The following MAP3K7CL variants were observed in gnomAD, a reference collection of about 807,000 sequenced individuals.
MAP3K7CL encodes MAP3K7 C-terminal-like protein.
In MAP3K7CL, 16 loss-of-function variants were observed where a neutral mutation model predicts 18.6. The ratio of observed to expected loss-of-function variants is 0.86; its 90% CI spans 0.58 to 1.31. The LOEUF (loss-of-function observed/expected upper bound fraction) is 1.31. MAP3K7CL is among the 50% of genes most tolerant of loss of function. The pLI is 0.00. For missense variants in MAP3K7CL, 163 were observed against 174.4 expected (o/e 0.93, Z 0.37); for synonymous variants, 65 against 66.8 (o/e 0.97, Z 0.13).
rs567103378 is a variant in MAP3K7CL, at chr21:29,116,956, G to A, written c.370+24375G>A. On this transcript the variant is annotated intron_variant, in intron 4 of 6. Transcript: ENST00000286791. ...CCTGCAGAACACACTTGTCTAATTTGAATTGTTTAGATTAATTTGGCAACT... is the reference window on the plus strand; with the variant it reads ...CCTGCAGAACACACTTGTCTAATTTAAATTGTTTAGATTAATTTGGCAACT... Among the ~76,000 whole-genome samples, 23 of 152,220 alleles carry A rather than the reference G, an allele frequency of 1.5e-4. No homozygotes were observed. In the East Asian group the frequency reaches 4.4e-3, roughly 29 times the overall value.
At chr21:29,096,496 A>C (rs562681028) in intron 4 of MAP3K7CL, among the ~76,000 whole-genome samples, 2 of 152,352 alleles carry the variant, frequency 1.3e-5, no homozygotes, top group East Asian at 3.9e-4. Context: ...TCCTTAAGAC[A>C]ATGATGTTTA....
intron 2 of MAP3K7CL, among the ~76,000 whole-genome samples, chr21:29,147,690 G>C (rs1416080632): frequency 6.6e-6 from 1 of 151,422 alleles, no homozygotes; most frequent in Non-Finnish European, 1.5e-5. Context: ...GTATATGTAT[G>C]TGTATGTGTA....
Position 29,142,024 on chromosome 21 carries a change from A to ATT in MAP3K7CL, c.71-7152_71-7151dup, listed in dbSNP as rs540625780. 1.4e-3 allele frequency among the ~76,000 whole-genome samples: 198 copies of ATT among 145,868 alleles called. 1 individual carries two copies. The highest frequency in any genetic ancestry group is 4.1e-3 in the African/African-American group (164 of 39,984). On this transcript the variant is annotated intron_variant, in intron 2 of 4. Coordinates refer to ENST00000399928, the MANE Select transcript of MAP3K7CL (RefSeq NM_001286620.2). Reference sequence around the variant, plus strand: ...TCAAAGACCTTTTATGCGTAAGTTAATTTTTTTTTTTTTTACTATCTTTCA... The same window carrying ATT: ...TCAAAGACCTTTTATGCGTAAGTTAATTTTTTTTTTTTTTTTACTATCTTTCA...
intron 1 of MAP3K7CL, chr21:29,080,690 T>C (rs555909421): frequency 6.6e-6 from 1 of 152,110 alleles, no homozygotes; most frequent in Non-Finnish European, 1.5e-5. Context: ...TGCTGATCAT[T>C]CGTAGTGTAG....
At chr21:29,105,595 C>T (rs1225492401) in intron 4 of MAP3K7CL, among the ~76,000 whole-genome samples, 1 of 152,030 alleles carries the variant, frequency 6.6e-6, no homozygotes, top group Non-Finnish European at 1.5e-5. Flanking sequence ...AGATTCCAGG[C>T]AGTGGGAAAA....
intron 3 of MAP3K7CL, chr21:29,092,407 A>G (rs1318850424): frequency 1.2e-6 from 2 of 1,612,522 alleles, no homozygotes; most frequent in East Asian, 2.2e-5. Context: ...TTGTCTCATC[A>G]TGACTTTGAT....
At chr21:29,082,743 A>C (rs1390904278), upstream of MAP3K7CL, among the ~76,000 whole-genome samples, 1 of 152,212 alleles carries the variant, frequency 6.6e-6, no homozygotes, top group African/African-American at 2.4e-5. Context: ...ACAATAGTGC[A>C]GTCAATCTAC....
intron 4 of MAP3K7CL, chr21:29,109,311 A>G: frequency 2.7e-6 from 4 of 1,467,730 alleles, no homozygotes; most frequent in Middle Eastern, 3.5e-4. Flanking sequence ...AATTAATGCC[A>G]TGATCACTAT....
chr21:29,170,939 CTTTT>C (rs367616302), intron 4 of MAP3K7CL, among the ~76,000 whole-genome samples: 3 of 143,378 alleles, frequency 2.1e-5, no homozygotes, highest in Admixed American at 6.9e-5. Context: ...GTGCCTGCCT[CTTTT>C]TTTTTTTTTT....
chr21:29,102,574 C>T (rs1422534434), intron 4 of MAP3K7CL: 1 of 150,670 alleles, frequency 6.6e-6, no homozygotes, highest in Non-Finnish European at 1.5e-5. Flanking sequence ...TCCTCCGCCT[C>T]TCAAAGTGCT....
intron 4 of MAP3K7CL, chr21:29,109,222 A>C (rs147076930): frequency 1.0e-4 from 157 of 1,535,270 alleles, no homozygotes; most frequent in Admixed American, 1.6e-4. Flanking sequence ...ATTAAGTGCT[A>C]TGAGCTCCGA....
chr21:29,125,858 G>GT (rs2086672279), upstream of MAP3K7CL, among the ~76,000 whole-genome samples: 1 of 152,224 alleles, frequency 6.6e-6, no homozygotes, highest in Non-Finnish European at 1.5e-5. Flanking sequence ...CCAGCTCACA[G>GT]TATGGAACAG....
At chr21:29,107,949 G>A (rs62222396) in intron 4 of MAP3K7CL, among the ~76,000 whole-genome samples, 4,507 of 152,240 alleles carry the variant, frequency 0.03, 104 homozygotes, top group Middle Eastern at 0.099. Context: ...GTAAACTGAA[G>A]TTCAGAAATG....
At chr21:29,087,176 T>C (rs976901798) in intron 1 of MAP3K7CL, among the ~76,000 whole-genome samples, 5 of 152,218 alleles carry the variant, frequency 3.3e-5, no homozygotes, top group African/African-American at 1.2e-4. Flanking sequence ...GACCTTAGTG[T>C]GGTTGATGCC....
At chr21:29,111,291 AAC>A (rs2086416439) in intron 4 of MAP3K7CL, among the ~76,000 whole-genome samples, 2 of 152,012 alleles carry the variant, frequency 1.3e-5, no homozygotes, top group South Asian at 2.1e-4. Context: ...CAACAACAAC[AAC>A]AAAAAACGTT....
At chr21:29,077,479 C>T, upstream of MAP3K7CL, 2 of 153,722 alleles carry the variant, frequency 1.3e-5, no homozygotes, top group Non-Finnish European at 2.9e-5. Context: ...CGCGCAGCCC[C>T]GGTTCCTGCC....
At chr21:29,136,409 T>C (rs1031415353) in intron 2 of MAP3K7CL, among the ~76,000 whole-genome samples, 2 of 152,196 alleles carry the variant, frequency 1.3e-5, no homozygotes, top group African/African-American at 4.8e-5. Context: ...TAATGTGGAC[T>C]TTTTGGGAGT....
At chr21:29,144,907 T>C (rs2087092661) in intron 2 of MAP3K7CL, among the ~76,000 whole-genome samples, 1 of 152,248 alleles carries the variant, frequency 6.6e-6, no homozygotes, top group Non-Finnish European at 1.5e-5. Context: ...TCAAATGTAC[T>C]ATGGTACATC....
At chr21:29,120,246 G>A (rs576199276) in intron 4 of MAP3K7CL, among the ~76,000 whole-genome samples, 13 of 151,322 alleles carry the variant, frequency 8.6e-5, no homozygotes, top group African/African-American at 2.9e-4. Flanking sequence ...GTATATTTGT[G>A]TATTTGTATC....
Sources: gnomAD v4.1 joint callset for allele counts (sites outside exome capture counted in the v4.1 genomes callset) on GRCh38, gnomAD v4.1.1 for gene constraint, MANE v1.5 for transcripts, NCBI Gene and HGNC (gene_info 2026-07-23, HGNC 2026-07-21) for gene names.